METTL8: variants seen among roughly 807,000 people sequenced by gnomAD.
METTL8 encodes methyltransferase 8, tRNA N3-cytidine, also known as tRNA N(3)-cytidine methyltransferase METTL8, mitochondrial.
In METTL8, 32 loss-of-function variants were observed where a neutral mutation model predicts 48.7. The ratio of observed to expected loss-of-function variants is 0.66; its 90% CI spans 0.50 to 0.88. The LOEUF (loss-of-function observed/expected upper bound fraction) is 0.88. Among genes scored for constraint, METTL8 ranks in the 40% least tolerant of loss-of-function variants. METTL8 has a pLI of 0.00. For synonymous variants in METTL8, 136 were observed against 157.1 expected (o/e 0.87, Z 1.01); for missense variants, 464 against 474.4 (o/e 0.98, Z 0.20).
chr2:171,382,321 T>C (rs1687631169), intron 2 of METTL8, among the ~76,000 whole-genome samples: 2 of 151,962 alleles, frequency 1.3e-5, no homozygotes, highest in Non-Finnish European at 2.9e-5. Context: ...CAATCAATAA[T>C]AGACTGGATA....
intron 3 of METTL8, among the ~76,000 whole-genome samples, chr2:171,341,615 T>G (rs1463958504): frequency 6.6e-6 from 1 of 151,940 alleles, no homozygotes; most frequent in Non-Finnish European, 1.5e-5. Flanking sequence ...TTGAGTGCTA[T>G]TATGTAATAG....
intron 2 of METTL8, among the ~76,000 whole-genome samples, chr2:171,382,024 C>T (rs184513867): frequency 0.072 from 10,998 of 152,090 alleles, 548 homozygotes; most frequent in Middle Eastern, 0.13. Flanking sequence ...CCTCATGATT[C>T]GCCCACCTTG....
At position 171,339,460 on chromosome 2, in the gene METTL8, T is replaced by C; in HGVS notation, c.330A>G (p.Glu110=). The change falls in exon 4 of 10, where the codon GAA becomes GAG. Residue 110 remains glutamate (E), a synonymous_variant. Coordinates refer to ENST00000375258, the MANE Select transcript of METTL8 (RefSeq NM_001321154.2). ...FFKDRNWLLR[E]FPEILPVDQK... Reference sequence around the variant, plus strand: ...GATCAACTGGAAGAATTTCAGGAAATTCCCTCAACAGCCAATTACGATCCT... The same window carrying C: ...GATCAACTGGAAGAATTTCAGGAAACTCCCTCAACAGCCAATTACGATCCT... The C allele has an allele frequency of 1.2e-6, 2 of 1,613,680 alleles. No homozygotes were observed. The highest frequency in any genetic ancestry group is 1.7e-6 in the Non-Finnish European group (2 of 1,179,738).
chr2:171,403,473 G>A (rs1389194140), intron 1 of METTL8, among the ~76,000 whole-genome samples: 2 of 152,002 alleles, frequency 1.3e-5, no homozygotes, highest in Non-Finnish European at 2.9e-5. Flanking sequence ...CCAGAGCCAA[G>A]CAAAATAAGG....
chr2:171,360,139 GT>G (rs1397258678), intron 3 of METTL8, among the ~76,000 whole-genome samples: 1 of 152,194 alleles, frequency 6.6e-6, no homozygotes, highest in Non-Finnish European at 1.5e-5. Flanking sequence ...AGCATAGCAA[GT>G]GGAAAAGTTT....
intron 1 of METTL8, among the ~76,000 whole-genome samples, chr2:171,423,360 T>A (rs2105662099): frequency 6.6e-6 from 1 of 152,254 alleles, no homozygotes; most frequent in African/African-American, 2.4e-5. Flanking sequence ...TGGAACTGGG[T>A]AACAGGCAGA....
intron 1 of METTL8, among the ~76,000 whole-genome samples, chr2:171,424,436 C>A (rs934454877): frequency 6.6e-6 from 1 of 152,240 alleles, no homozygotes. Flanking sequence ...ATGAAAGCAG[C>A]CAGGACAGGG....
intron 1 of METTL8, among the ~76,000 whole-genome samples, chr2:171,426,208 A>G (rs1371716805): frequency 2.0e-5 from 3 of 152,172 alleles, no homozygotes; most frequent in Admixed American, 6.5e-5. Flanking sequence ...AAGCCTGGCT[A>G]GTAGAAAGGG....
At chr2:171,327,789 T>C (rs907614447) in intron 7 of METTL8, among the ~76,000 whole-genome samples, 1 of 152,256 alleles carries the variant, frequency 6.6e-6, no homozygotes, top group Non-Finnish European at 1.5e-5. Flanking sequence ...ATTTTCATAC[T>C]GTGCTTATAT....
chr2:171,340,581 AAAAG>A (rs1489894196), intron 3 of METTL8, among the ~76,000 whole-genome samples: 10 of 152,150 alleles, frequency 6.6e-5, no homozygotes, highest in East Asian at 1.9e-4. Context: ...ATAAACAAAT[AAAAG>A]AAAGGACACC....
chr2:171,420,529 CT>C (rs1207744835), intron 1 of METTL8, among the ~76,000 whole-genome samples: 8 of 152,088 alleles, frequency 5.3e-5, no homozygotes, highest in Non-Finnish European at 7.4e-5. Context: ...TCAACCACCC[CT>C]AAATGGCTGG....
chr2:171,430,781 G>A (rs1220939166), intron 1 of METTL8, among the ~76,000 whole-genome samples: 2 of 152,162 alleles, frequency 1.3e-5, no homozygotes, highest in Non-Finnish European at 2.9e-5. Flanking sequence ...ACATGTCCTG[G>A]ATAAATCTAT....
intron 9 of METTL8, among the ~76,000 whole-genome samples, chr2:171,324,725 T>C (rs568755445): frequency 6.6e-6 from 1 of 152,326 alleles, no homozygotes; most frequent in East Asian, 1.9e-4. Flanking sequence ...GGGAAATCCT[T>C]GAATGCAGCA....
chr2:171,357,918 A>G (rs1297180654), intron 3 of METTL8, among the ~76,000 whole-genome samples: 2 of 151,752 alleles, frequency 1.3e-5, no homozygotes, highest in Non-Finnish European at 2.9e-5. Flanking sequence ...TTGGTCTTGA[A>G]CTCCTGGGCT....
chr2:171,409,690 T>C (rs1283393689), intron 1 of METTL8, among the ~76,000 whole-genome samples: 2 of 151,650 alleles, frequency 1.3e-5, no homozygotes, highest in African/African-American at 4.9e-5. Context: ...ACCCCTGGGG[T>C]GGAGGTGGTC....
rs150424844 is a variant in METTL8, at chr2:171,341,573, T to C, written c.236-2019A>G. On this transcript the variant is annotated intron_variant, in intron 3 of 9. Coordinates refer to ENST00000375258, the MANE Select transcript of METTL8 (RefSeq NM_001321154.2). Reference sequence around the variant, plus strand: ...TTTTTCCCTTTTTTTTTTTCCGTGTTCTTGGGCAGTGCTACAGGCAGTAAC... The same window carrying C: ...TTTTTCCCTTTTTTTTTTTCCGTGTCCTTGGGCAGTGCTACAGGCAGTAAC... Among the ~76,000 whole-genome samples the C allele has an allele frequency of 1.9e-3, 284 of 151,600 alleles. 6 individuals carry two copies. The East Asian group carries it at 0.028, about 15-fold the overall frequency.
chr2:171,357,787 C>A (rs966012472), intron 3 of METTL8, among the ~76,000 whole-genome samples: 1 of 151,900 alleles, frequency 6.6e-6, no homozygotes, highest in Non-Finnish European at 1.5e-5. Context: ...CTCAAACTCC[C>A]GGGTTCAAAT....
At position 171,388,469 on chromosome 2, in the gene METTL8, A is replaced by C. The variant is rs1318945414; in HGVS notation, c.143+3574T>G. On this transcript the variant is annotated intron_variant, in intron 2 of 9. Transcript: ENST00000375258. ...AGCCTTTCTTAAGGCAAACTATCCT[A>C]TCCTCTATCTCATGAAAATGCCTTA... 2.0e-5 allele frequency among the ~76,000 whole-genome samples: 3 copies of C among 152,208 alleles called. No individual in the cohort carries two copies. In the East Asian group the frequency reaches 5.8e-4, roughly 29 times the overall value.
intron 1 of METTL8, 141 bp from the exon 2 acceptor site, chr2:171,392,338 A>C: frequency 1.6e-6 from 1 of 629,090 alleles, no homozygotes; most frequent in Non-Finnish European, 2.6e-6. Flanking sequence ...GATGAGCATA[A>C]CAGCTTCTCT....
Sources: gnomAD v4.1 joint callset for allele counts (sites outside exome capture counted in the v4.1 genomes callset) on GRCh38, gnomAD v4.1.1 for gene constraint, MANE v1.5 for transcripts, NCBI Gene and HGNC (gene_info 2026-07-23, HGNC 2026-07-21) for gene names.